The following RANBP17 variants were observed in gnomAD, a reference collection of about 807,000 sequenced individuals.
The protein encoded by RANBP17 is ran-binding protein 17.
In RANBP17, 158 loss-of-function variants were observed where a neutral mutation model predicts 141.2. The observed-to-expected ratio is 1.12, with a 90% CI of 0.98 to 1.28. The LOEUF (loss-of-function observed/expected upper bound fraction) is 1.28, where lower values mean the gene tolerates loss of function less well. Ranked by LOEUF, RANBP17 falls within the 50% of genes most tolerant of loss-of-function variation. The probability of loss-of-function intolerance (pLI) is 0.00; values close to 1 mark genes in which losing one functional copy is unlikely to be tolerated. For synonymous variants in RANBP17, 430 were observed against 450.0 expected (o/e 0.96, Z 0.56); for missense variants, 1,438 against 1,290.7 (o/e 1.11, Z -1.75).
chr5:170,894,486 TTATA>T (rs3080623), intron 4 of RANBP17, among the ~76,000 whole-genome samples: 1 of 133,316 alleles, frequency 7.5e-6, no homozygotes, highest in Non-Finnish European at 1.6e-5. Context: ...TACGTGTTTT[TTATA>T]TATATATATA....
intron 25 of RANBP17, among the ~76,000 whole-genome samples, chr5:171,277,787 G>A (rs1050699499): frequency 4.0e-5 from 6 of 149,422 alleles, no homozygotes; most frequent in Non-Finnish European, 8.9e-5. Context: ...ATAAGTAGCA[G>A]AACCTGTGCT....
At chr5:170,981,863 C>G (rs750978330) in intron 14 of RANBP17, among the ~76,000 whole-genome samples, 24 of 152,154 alleles carry the variant, frequency 1.6e-4, no homozygotes, top group Middle Eastern at 3.4e-3. Flanking sequence ...CACTAAGAAC[C>G]CTGGAAAAGC....
intron 12 of RANBP17, among the ~76,000 whole-genome samples, chr5:170,939,666 A>G (rs1581195312): frequency 6.6e-6 from 1 of 152,266 alleles, no homozygotes; most frequent in Middle Eastern, 3.4e-3. Flanking sequence ...GATTACAGGC[A>G]TGAGCCACCG....
At chr5:171,283,437 A>G (rs1301832844) in intron 25 of RANBP17, among the ~76,000 whole-genome samples, 2 of 152,222 alleles carry the variant, frequency 1.3e-5, no homozygotes, top group African/African-American at 4.8e-5. Flanking sequence ...TTATTAGGGA[A>G]AAAGAGCTTC....
intron 18 of RANBP17, among the ~76,000 whole-genome samples, chr5:171,187,795 C>T (rs1324490225): frequency 6.6e-6 from 1 of 152,178 alleles, no homozygotes; most frequent in Non-Finnish European, 1.5e-5. Context: ...ACTCCCATTT[C>T]TCATATTTGA....
intron 25 of RANBP17, among the ~76,000 whole-genome samples, chr5:171,280,616 C>T (rs937383380): frequency 1.7e-4 from 26 of 152,172 alleles, no homozygotes; most frequent in African/African-American, 6.3e-4. Context: ...ACTGATGGAG[C>T]TGTGAGTTTA....
At chr5:171,204,728 C>T (rs765073816) in intron 19 of RANBP17, among the ~76,000 whole-genome samples, 2 of 152,096 alleles carry the variant, frequency 1.3e-5, no homozygotes, top group Non-Finnish European at 2.9e-5. Flanking sequence ...CTCTTCTATT[C>T]AAGAGTCAAG....
At chr5:171,130,089 A>T (rs1032262700) in intron 14 of RANBP17, among the ~76,000 whole-genome samples, 1 of 152,212 alleles carries the variant, frequency 6.6e-6, no homozygotes, top group Non-Finnish European at 1.5e-5. Context: ...AATTCACAGT[A>T]ATAGGTATTC....
At chr5:171,254,749 T>C (rs1765783342) in intron 24 of RANBP17, among the ~76,000 whole-genome samples, 1 of 152,206 alleles carries the variant, frequency 6.6e-6, no homozygotes, top group Non-Finnish European at 1.5e-5. Context: ...TTGAAAGTTA[T>C]ATTCAGGATA....
intron 12 of RANBP17, among the ~76,000 whole-genome samples, chr5:170,950,392 A>G (rs924835500): frequency 6.6e-6 from 1 of 152,008 alleles, no homozygotes; most frequent in African/African-American, 2.4e-5. Flanking sequence ...CAAAAACAAA[A>G]AAAAAATAAC....
intron 22 of RANBP17, among the ~76,000 whole-genome samples, chr5:171,228,280 A>G (rs546557469): frequency 6.6e-6 from 1 of 152,222 alleles, no homozygotes; most frequent in Non-Finnish European, 1.5e-5. Flanking sequence ...GTTTGGAAGA[A>G]GTTGATTCCA....
chr5:170,904,363 G>T, intron 5 of RANBP17: 1 of 196,388 alleles, frequency 5.1e-6, no homozygotes, highest in Non-Finnish European at 1.1e-5. Flanking sequence ...AAGCTGTGTT[G>T]TTTTTATCAG....
At chr5:170,910,077 T>G in intron 6 of RANBP17, 1 of 180,058 alleles carries the variant, frequency 5.6e-6, no homozygotes, top group African/African-American at 2.3e-5. Context: ...ATCTGCTTGC[T>G]TATATTTTGA....
chr5:171,262,660 G>T (rs925152975), intron 24 of RANBP17, among the ~76,000 whole-genome samples: 4 of 152,080 alleles, frequency 2.6e-5, no homozygotes, highest in African/African-American at 9.7e-5. Context: ...TTCAAAATCT[G>T]CTCTTTTAGC....
At chr5:170,931,221 A>G (rs1447650707) in intron 12 of RANBP17, among the ~76,000 whole-genome samples, 11 of 152,104 alleles carry the variant, frequency 7.2e-5, no homozygotes, top group Non-Finnish European at 1.6e-4. Flanking sequence ...TTTGAGAAGT[A>G]TCTGTTCATA....
At chr5:170,875,131 A>G (rs1768074809) in intron 1 of RANBP17, among the ~76,000 whole-genome samples, 1 of 152,080 alleles carries the variant, frequency 6.6e-6, no homozygotes, top group Non-Finnish European at 1.5e-5. Flanking sequence ...AAAATTCTTG[A>G]CTTTAAGAAT....
At chr5:171,097,683 A>G (rs918028374) in intron 14 of RANBP17, among the ~76,000 whole-genome samples, 6 of 150,398 alleles carry the variant, frequency 4.0e-5, no homozygotes, top group Non-Finnish European at 7.4e-5. Flanking sequence ...CATGTGCAGA[A>G]CATGTAGGTT....
intron 14 of RANBP17, among the ~76,000 whole-genome samples, chr5:171,091,388 T>C (rs1172591065): frequency 6.6e-6 from 1 of 152,230 alleles, no homozygotes; most frequent in East Asian, 1.9e-4. Flanking sequence ...TGTACCCCCA[T>C]TGTGTCTAGG....
chr5:171,279,535 C>T (rs1303210632), intron 25 of RANBP17, among the ~76,000 whole-genome samples: 2 of 152,174 alleles, frequency 1.3e-5, no homozygotes, highest in Non-Finnish European at 2.9e-5. Context: ...GCAGAGCCCT[C>T]ATGCCTAATC....
Sources: gnomAD v4.1 joint callset for allele counts (sites outside exome capture counted in the v4.1 genomes callset) on GRCh38, gnomAD v4.1.1 for gene constraint, MANE v1.5 for transcripts, NCBI Gene and HGNC (gene_info 2026-07-23, HGNC 2026-07-21) for gene names.